SIK3: variants seen among roughly 807,000 people sequenced by gnomAD.
SIK3 encodes the protein SIK family kinase 3.
Under a neutral mutation model 144.2 loss-of-function variants are expected in SIK3, and 28 were observed. The ratio of observed to expected loss-of-function variants is 0.19; its 90% confidence interval spans 0.14 to 0.27. SIK3 has a LOEUF of 0.27. SIK3 is among the 10% of genes least tolerant of loss of function. The probability of loss-of-function intolerance (pLI) is 1.00; values close to 1 mark genes in which losing one functional copy is unlikely to be tolerated. For synonymous variants in SIK3, 686 were observed against 676.3 expected (o/e 1.01, Z -0.22); for missense variants, 1,319 against 1,776.0 (o/e 0.74, Z 4.62).
intron 21 of SIK3, among the ~76,000 whole-genome samples, chr11:116,856,501 T>G (rs1188390728): frequency 6.6e-6 from 1 of 152,144 alleles, no homozygotes; most frequent in African/African-American, 2.4e-5. Context: ...TTTCTCTTAG[T>G]TTTTCCTCCC....
Position 116,858,431 on chromosome 11 carries a change from G to T in SIK3, c.3034C>A (p.Gln1012Lys). The change falls in exon 21 of 25, where the codon CAG becomes AAG. Residue 1012 changes from glutamine (Q) to lysine (K), a missense_variant. Gln to Lys is a moderately conservative substitution (Grantham distance 53, BLOSUM62 1). Around this residue, in one of 8 missense-constraint regions of SIK3, gnomAD observed 646 missense variants for 763.7 expected, o/e 0.85. Transcript: ENST00000445177. The surrounding 1 kb of genome is among the most constrained non-coding windows in gnomAD (Gnocchi z 5.4). ...PTPPDYTRHQ[Q>K]VPHILQGLLS... is the part of the protein sequence containing the mutation. ...AGTCCTTGAAGGATGTGGGGTACCT[G>T]CTGGTGTCTTGTATAGTCTGGCGGC... 1 of 1,610,558 alleles carries T rather than the reference G, an allele frequency of 6.2e-7. No individual in the cohort carries two copies. Among genetic ancestry groups the T allele is most frequent in the Non-Finnish European group, 8.5e-7 (1 of 1,178,190 alleles).
At chr11:116,922,873 A>G (rs1215899036) in intron 4 of SIK3, among the ~76,000 whole-genome samples, 2 of 147,570 alleles carry the variant, frequency 1.4e-5, no homozygotes. Context: ...TTTAAAGATG[A>G]GCTGCTTACG....
At chr11:116,936,075 G>A (rs942348274) in intron 3 of SIK3, among the ~76,000 whole-genome samples, 1 of 152,140 alleles carries the variant, frequency 6.6e-6, no homozygotes, top group Admixed American at 6.5e-5. Context: ...AGGAGTTCAA[G>A]ATCAGCCTGG....
chr11:117,082,991 T>C (rs1234028743), intron 1 of SIK3, among the ~76,000 whole-genome samples: 1 of 152,164 alleles, frequency 6.6e-6, no homozygotes, highest in Non-Finnish European at 1.5e-5. Context: ...AAACCTATTC[T>C]TATCCTGGTA....
chr11:117,082,236 T>A (rs2134021736), intron 1 of SIK3, among the ~76,000 whole-genome samples: 2 of 152,278 alleles, frequency 1.3e-5, no homozygotes, highest in Non-Finnish European at 2.9e-5. Flanking sequence ...GCTCAAAACC[T>A]TAAACAAGGA....
At chr11:117,094,953 A>G (rs1293513078) in intron 1 of SIK3, among the ~76,000 whole-genome samples, 1 of 152,074 alleles carries the variant, frequency 6.6e-6, no homozygotes, top group Non-Finnish European at 1.5e-5. Flanking sequence ...AGTGCTGCCA[A>G]TATGAAGTCT....
At chr11:116,864,943 C>CT (rs1299785910) in intron 15 of SIK3, 1 of 152,208 alleles carries the variant, frequency 6.6e-6, no homozygotes, top group Non-Finnish European at 1.5e-5. Context: ...AGGTGAAAGC[C>CT]TTTTACCCTG....
chr11:116,913,845 G>A (rs1380893450), intron 4 of SIK3, among the ~76,000 whole-genome samples: 7 of 151,886 alleles, frequency 4.6e-5, no homozygotes, highest in Non-Finnish European at 8.8e-5. Flanking sequence ...GGCAGAGATC[G>A]GGCCACTGCA....
At chr11:116,898,817 G>A (rs1203618718) in intron 4 of SIK3, among the ~76,000 whole-genome samples, 1 of 151,960 alleles carries the variant, frequency 6.6e-6, no homozygotes, top group Non-Finnish European at 1.5e-5. Flanking sequence ...CTTTTTGATG[G>A]TGTTGTTTTT....
At chr11:117,045,287 C>T (rs1952910292) in intron 1 of SIK3, among the ~76,000 whole-genome samples, 1 of 152,178 alleles carries the variant, frequency 6.6e-6, no homozygotes, top group Non-Finnish European at 1.5e-5. Context: ...CTCTGGCCTC[C>T]TAATTCCACA....
chr11:116,922,515 G>A (rs12225187), intron 4 of SIK3, among the ~76,000 whole-genome samples: 67,444 of 151,850 alleles, frequency 0.44, 18,656 homozygotes, highest in Non-Finnish European at 0.63. Flanking sequence ...GGGCGGGCAT[G>A]GTGGCTCACA....
intron 4 of SIK3, among the ~76,000 whole-genome samples, chr11:116,915,856 C>T (rs1448164071): frequency 1.3e-5 from 2 of 152,118 alleles, no homozygotes; most frequent in Admixed American, 6.5e-5. Flanking sequence ...TAGATGTAAA[C>T]TTAATAAAAT....
intron 3 of SIK3, among the ~76,000 whole-genome samples, chr11:116,946,413 C>T (rs2135321684): frequency 6.6e-6 from 1 of 152,234 alleles, no homozygotes; most frequent in South Asian, 2.1e-4. Flanking sequence ...TGCTTCAGTT[C>T]CCCAAGCCCT....
chr11:116,972,431 A>G (rs1207293231), intron 1 of SIK3, among the ~76,000 whole-genome samples: 2 of 152,242 alleles, frequency 1.3e-5, no homozygotes, highest in African/African-American at 4.8e-5. Context: ...AGGAAAACAT[A>G]TCCCCGTATT....
chr11:117,092,084 C>T (rs1197477256), intron 1 of SIK3, among the ~76,000 whole-genome samples: 2 of 152,098 alleles, frequency 1.3e-5, no homozygotes, highest in African/African-American at 4.8e-5. Context: ...CACATCCAGC[C>T]ACGTTTTAAA....
intron 1 of SIK3, among the ~76,000 whole-genome samples, chr11:117,031,155 T>C (rs1952239562): frequency 6.6e-6 from 1 of 152,244 alleles, no homozygotes; most frequent in African/African-American, 2.4e-5. Context: ...TTTTAGTTCT[T>C]ATGAAGTCCA....
chr11:117,094,562 A>G (rs542370324), intron 1 of SIK3, among the ~76,000 whole-genome samples: 3 of 152,248 alleles, frequency 2.0e-5, no homozygotes, highest in Non-Finnish European at 2.9e-5. Flanking sequence ...GAACTCTGGC[A>G]GTGTCACTGC....
intron 1 of SIK3, among the ~76,000 whole-genome samples, chr11:116,957,443 A>T (rs1277292700): frequency 2.0e-5 from 3 of 152,218 alleles, no homozygotes; most frequent in Non-Finnish European, 2.9e-5. Context: ...AAAATAAAAA[A>T]TTTTTAAAAA....
chr11:117,031,584 C>T (rs1018226297), intron 1 of SIK3, among the ~76,000 whole-genome samples: 20 of 150,658 alleles, frequency 1.3e-4, no homozygotes, highest in Non-Finnish European at 2.5e-4. Flanking sequence ...TGCAATGGCG[C>T]GATCTTGGCT....
Sources: allele counts gnomAD v4.1 joint callset (sites outside exome capture counted in the v4.1 genomes callset), GRCh38; gene constraint gnomAD v4.1.1; regional missense constraint gnomAD v4.1.1; non-coding constraint Gnocchi (gnomAD v3.1); transcripts MANE v1.5; gene names NCBI Gene and HGNC (gene_info 2026-07-23, HGNC 2026-07-21).